CSRNP3: variants seen among roughly 807,000 people sequenced by gnomAD.
CSRNP3 encodes cysteine and serine rich nuclear protein 3.
In CSRNP3, 12 loss-of-function variants were observed where a neutral mutation model predicts 48.0. The observed-to-expected ratio is 0.25, with a 90% confidence interval of 0.16 to 0.41. The LOEUF (loss-of-function observed/expected upper bound fraction) is 0.41, where lower values mean the gene tolerates loss of function less well. Among genes scored for constraint, CSRNP3 ranks in the 10% least tolerant of loss-of-function variants. The pLI, the probability that CSRNP3 is intolerant of heterozygous loss-of-function variation, is 1.00. For missense variants in CSRNP3, 580 were observed against 724.4 expected (o/e 0.80, Z 2.29); for synonymous variants, 263 against 269.7 (o/e 0.98, Z 0.24).
intron 3 of CSRNP3, among the ~76,000 whole-genome samples, chr2:165,560,689 T>G (rs1685223333): frequency 6.6e-6 from 1 of 152,182 alleles, no homozygotes; most frequent in Non-Finnish European, 1.5e-5. Context: ...CATTCTGTTT[T>G]AGGTAGGAAG....
chr2:165,609,024 G>A (rs1686082799), intron 4 of CSRNP3, among the ~76,000 whole-genome samples: 1 of 150,614 alleles, frequency 6.6e-6, no homozygotes, highest in East Asian at 2.0e-4. Context: ...GGAGAATGGC[G>A]TGAACCTGGA....
At chr2:165,495,957 G>A (rs115558295) in intron 2 of CSRNP3, among the ~76,000 whole-genome samples, 2,403 of 151,850 alleles carry the variant, frequency 0.016, 61 homozygotes, top group African/African-American at 0.054. Flanking sequence ...TAACAAACCT[G>A]CATGTCGTAC....
chr2:165,506,185 T>G (rs558427397), intron 2 of CSRNP3, among the ~76,000 whole-genome samples: 1 of 152,258 alleles, frequency 6.6e-6, no homozygotes, highest in South Asian at 2.1e-4. Flanking sequence ...ACATACATAT[T>G]ACTCTCTTCT....
At position 165,541,036 on chromosome 2, in the gene CSRNP3, A is replaced by G. The variant is rs1558929319; in HGVS notation, c.-24+23075A>G. 2.0e-5 allele frequency among the ~76,000 whole-genome samples: 3 copies of G among 151,976 alleles called. No homozygotes were observed. In the South Asian group the frequency reaches 6.2e-4, roughly 32 times the overall value. On this transcript the variant is annotated intron_variant, in intron 3 of 6. Coordinates refer to ENST00000651982, the MANE Select transcript of CSRNP3 (RefSeq NM_001172173.2). ...CATTATAACGTCTTGTATTGCCCCA[A>G]CTGCTTGAGCTTAGAGTCAATATTT...
chr2:165,569,999 A>G (rs900831343), intron 3 of CSRNP3, among the ~76,000 whole-genome samples: 1 of 152,008 alleles, frequency 6.6e-6, no homozygotes, highest in African/African-American at 2.4e-5. Context: ...CAATCATTAG[A>G]TTTTATATCA....
At chr2:165,615,206 T>C (rs951115694) in intron 4 of CSRNP3, among the ~76,000 whole-genome samples, 2 of 152,234 alleles carry the variant, frequency 1.3e-5, no homozygotes, top group Admixed American at 1.3e-4. Flanking sequence ...ATTTGCTTTA[T>C]ATATCTGAAT....
intron 3 of CSRNP3, among the ~76,000 whole-genome samples, chr2:165,564,729 G>A (rs187493667): frequency 2.6e-5 from 4 of 151,564 alleles, no homozygotes; most frequent in East Asian, 1.9e-4. Context: ...GATTTTAATC[G>A]CTATCTGATA....
chr2:165,485,941 G>A (rs1363974591), intron 1 of CSRNP3, among the ~76,000 whole-genome samples: 1 of 152,136 alleles, frequency 6.6e-6, no homozygotes, highest in African/African-American at 2.4e-5. Flanking sequence ...GCTAGGAGGA[G>A]CCAAGATGGC....
chr2:165,602,721 C>T (rs1045656551), intron 4 of CSRNP3, among the ~76,000 whole-genome samples: 1 of 152,100 alleles, frequency 6.6e-6, no homozygotes, highest in Non-Finnish European at 1.5e-5. Context: ...CTTACTGAGA[C>T]CATCCTTCAA....
Position 165,684,085 on chromosome 2 carries a change from C to T in CSRNP3, c.*4332C>T, listed in dbSNP as rs545619861. ...AGGAGGATTTGACTCATGCATAACC[C>T]AGGAAACATTTCAGGAAACTTTTAA... On this transcript the variant is annotated 3_prime_UTR_variant, in exon 7 of 7. Coordinates refer to ENST00000651982, the MANE Select transcript of CSRNP3 (RefSeq NM_001172173.2). 6.6e-6 allele frequency: 1 copy of T among 152,224 alleles called. No individual in the cohort carries two copies. The highest frequency in any genetic ancestry group is 2.1e-4 in the South Asian group (1 of 4,822). 9.4% of individuals were successfully genotyped at this position (152,224 alleles called of 1,614,324 possible). A position where few individuals can be genotyped will look rare whatever the true frequency, so the allele number is the denominator to read the frequency against.
At chr2:165,642,429 C>T (rs1686737708) in intron 4 of CSRNP3, among the ~76,000 whole-genome samples, 1 of 152,128 alleles carries the variant, frequency 6.6e-6, no homozygotes, top group Non-Finnish European at 1.5e-5. Flanking sequence ...TTGAATTTTG[C>T]TTTCACATAC....
chr2:165,512,977 C>G (rs139963641), intron 2 of CSRNP3, among the ~76,000 whole-genome samples: 1 of 151,938 alleles, frequency 6.6e-6, no homozygotes, highest in African/African-American at 2.4e-5. Context: ...TGGTGGCACG[C>G]GCCTGTAGTC....
At chr2:165,623,722 C>T (rs1686382194) in intron 4 of CSRNP3, among the ~76,000 whole-genome samples, 1 of 152,166 alleles carries the variant, frequency 6.6e-6, no homozygotes, top group South Asian at 2.1e-4. Context: ...ACATCTACAA[C>T]CATAAGATAT....
intron 2 of CSRNP3, among the ~76,000 whole-genome samples, chr2:165,501,382 A>C (rs911896814): frequency 1.3e-5 from 2 of 152,208 alleles, no homozygotes; most frequent in African/African-American, 4.8e-5. Context: ...GAGTCCAAAA[A>C]GGATAAACAC....
rs148926795 is a variant in CSRNP3, at chr2:165,609,672, G to T, written c.148+14459G>T. ...CTATGATGACAATTATGATGATGAT[G>T]ATATTGATATTTTCAAGGAGGGACA... On this transcript the variant is annotated intron_variant, in intron 4 of 6. Coordinates refer to ENST00000651982, the MANE Select transcript of CSRNP3 (RefSeq NM_001172173.2). Among the ~76,000 whole-genome samples the T allele has an allele frequency of 7.9e-5, 12 of 152,078 alleles. No individual in the cohort carries two copies. In the East Asian group the frequency reaches 2.1e-3, roughly 27 times the overall value.
chr2:165,609,465 GAAAAAAA>G (rs34249194), intron 4 of CSRNP3, among the ~76,000 whole-genome samples: 6 of 97,568 alleles, frequency 6.1e-5, no homozygotes, highest in Non-Finnish European at 9.4e-5. Flanking sequence ...TCTAAAAAAA[GAAAAAAA>G]AAAAAAAAAA....
chr2:165,566,874 T>C (rs1309464575), intron 3 of CSRNP3: 1 of 152,020 alleles, frequency 6.6e-6, no homozygotes, highest in Non-Finnish European at 1.5e-5. Flanking sequence ...GTAAAATGGA[T>C]GAATGTATGA....
At chr2:165,537,021 A>G (rs997673685) in intron 3 of CSRNP3, among the ~76,000 whole-genome samples, 1 of 151,758 alleles carries the variant, frequency 6.6e-6, no homozygotes, top group African/African-American at 2.4e-5. Context: ...AAACACTCAA[A>G]CAGGAAACTC....
chr2:165,667,184 A>G (rs1687249629), intron 5 of CSRNP3, among the ~76,000 whole-genome samples: 1 of 152,170 alleles, frequency 6.6e-6, no homozygotes, highest in African/African-American at 2.4e-5. Flanking sequence ...AGAAATTTTC[A>G]GGACTAGAGC....
Sources: gnomAD v4.1 joint callset for allele counts (sites outside exome capture counted in the v4.1 genomes callset) on GRCh38, gnomAD v4.1.1 for gene constraint, MANE v1.5 for transcripts, NCBI Gene and HGNC (gene_info 2026-07-23, HGNC 2026-07-21) for gene names.